Variants in SCN8A observed in about 807,000 individuals in gnomAD.
SCN8A encodes sodium channel protein type 8 subunit alpha.
Under a neutral mutation model 184.1 loss-of-function variants are expected in SCN8A, and 30 were observed. The observed-to-expected ratio is 0.16, with a 90% confidence interval of 0.12 to 0.22. The LOEUF (loss-of-function observed/expected upper bound fraction) is 0.22. SCN8A is among the 10% of genes least tolerant of loss of function. SCN8A has a pLI of 1.00. For synonymous variants in SCN8A, 852 were observed against 907.0 expected (o/e 0.94, Z 1.09); for missense variants, 1,057 against 2,498.9 (o/e 0.42, Z 12.30).
Position 51,807,154 on chromosome 12 carries a change from C to G in SCN8A, c.5668C>G (p.Leu1890Val). The part of the protein sequence containing the change: ...KVSYEPITTT[L>V]RRKQEEVSAV... ...GTCTTACGAGCCAATCACAACCACA[C>G]TGCGTCGCAAGCAGGAGGAGGTATC... Residue 1890 changes from leucine (L) to valine (V), a missense_variant, in exon 27 of 27, where the codon CTG becomes GTG. This residue lies in a region of SCN8A where 95 missense variants were observed against 140.2 expected (regional missense o/e 0.68). Coordinates refer to ENST00000627620, the MANE Select transcript of SCN8A (RefSeq NM_001330260.2). This position sits in a 1 kb window ranked among gnomAD's most constrained non-coding sequence, Gnocchi z 4.5. The G allele has an allele frequency of 6.2e-7, 1 of 1,613,978 alleles. No individual in the cohort carries two copies. The highest frequency in any genetic ancestry group is 8.5e-7 in the Non-Finnish European group (1 of 1,179,892).
chr12:51,628,466 A>T (rs937088015), intron 1 of SCN8A, among the ~76,000 whole-genome samples: 1 of 152,176 alleles, frequency 6.6e-6, no homozygotes, highest in Non-Finnish European at 1.5e-5. Flanking sequence ...AGCCTGGTTA[A>T]GCAGATAGGG....
chr12:51,657,954 C>CTA (rs1372748917), intron 1 of SCN8A, among the ~76,000 whole-genome samples: 1 of 152,034 alleles, frequency 6.6e-6, no homozygotes, highest in Non-Finnish European at 1.5e-5. Context: ...TCTGTGTTTT[C>CTA]TATTCTTTTC....
Position 51,720,185 on chromosome 12 carries a change from C to T in SCN8A, c.1636-1361C>T, listed in dbSNP as rs376308258. Among the ~76,000 whole-genome samples the T allele has an allele frequency of 9.4e-5, 14 of 148,476 alleles. No individual in the cohort carries two copies. In the South Asian group the frequency reaches 1.5e-3, roughly 16 times the overall value. ...TCAATGCCGGATATTATATAACTTACAGCTGTTTGAGAATTATATACTTTA... is the reference window on the plus strand; with the variant it reads ...TCAATGCCGGATATTATATAACTTATAGCTGTTTGAGAATTATATACTTTA... On this transcript the variant is annotated intron_variant, in intron 11 of 26. Transcript: ENST00000627620.
At chr12:51,788,143 G>C (rs1938138693) in intron 22 of SCN8A, among the ~76,000 whole-genome samples, 2 of 152,192 alleles carry the variant, frequency 1.3e-5, no homozygotes, top group Non-Finnish European at 2.9e-5. Flanking sequence ...GACTGAAGGA[G>C]TAGAATTGGG....
At chr12:51,648,717 C>T (rs1940645061) in intron 1 of SCN8A, among the ~76,000 whole-genome samples, 2 of 152,146 alleles carry the variant, frequency 1.3e-5, no homozygotes. Context: ...AATTATCTCC[C>T]ACCAGGTCCC....
rs143107682 is a variant in SCN8A, at chr12:51,756,087, C to T, written c.2370+4494C>T. Among the ~76,000 whole-genome samples the T allele has an allele frequency of 3.4e-3, 517 of 152,180 alleles. 1 individual carries two copies. Among genetic ancestry groups the T allele is most frequent in the African/African-American group, 0.012 (486 of 41,522 alleles). On this transcript the variant is annotated intron_variant, in intron 14 of 26. Coordinates refer to ENST00000627620, the MANE Select transcript of SCN8A (RefSeq NM_001330260.2). Reference sequence around the variant, plus strand: ...ACCCCGATGCCTCACAGTAGGCCTTCGCCTGCATGGACATCCTTCTCACCC... The same window carrying T: ...ACCCCGATGCCTCACAGTAGGCCTTTGCCTGCATGGACATCCTTCTCACCC...
chr12:51,761,471 A>T (rs1181209158), intron 14 of SCN8A, among the ~76,000 whole-genome samples: 1 of 148,886 alleles, frequency 6.7e-6, no homozygotes, highest in African/African-American at 2.5e-5. Flanking sequence ...ATTTATTATT[A>T]TTTATTTATT....
chr12:51,617,331 A>G (rs1939862603), intron 1 of SCN8A, among the ~76,000 whole-genome samples: 1 of 151,242 alleles, frequency 6.6e-6, no homozygotes, highest in East Asian at 1.9e-4. Flanking sequence ...TTCAGCTTGG[A>G]TAATTTGTGT....
intron 6 of SCN8A, among the ~76,000 whole-genome samples, chr12:51,691,425 T>C (rs1941505486): frequency 1.3e-5 from 2 of 151,674 alleles, no homozygotes; most frequent in African/African-American, 4.9e-5. Context: ...ATATGTCATG[T>C]TATTTATCCT....
chr12:51,699,842 C>T, intron 7 of SCN8A, 51 bp downstream of exon 7: 1 of 1,492,820 alleles, frequency 6.7e-7, no homozygotes, highest in South Asian at 1.2e-5. Flanking sequence ...ATTCCTAGTT[C>T]ACATGGTCAG....
intron 17 of SCN8A, 86 bp downstream of exon 17, chr12:51,769,421 C>G: frequency 1.1e-6 from 1 of 914,116 alleles, no homozygotes; most frequent in Non-Finnish European, 1.7e-6. Flanking sequence ...CAGCTATGGG[C>G]TTGGTAGAGA....
intron 1 of SCN8A, among the ~76,000 whole-genome samples, chr12:51,619,881 AT>A (rs1165100974): frequency 6.6e-6 from 1 of 152,192 alleles, no homozygotes; most frequent in Non-Finnish European, 1.5e-5. Context: ...TTCTAAGAAC[AT>A]TTTGTCTATC....
At chr12:51,751,659 C>G (rs1942597384) in intron 14 of SCN8A, 66 bp downstream of exon 14, 1 of 1,213,732 alleles carries the variant, frequency 8.2e-7, no homozygotes, top group Non-Finnish European at 1.2e-6. Context: ...ATATCTTTTT[C>G]TGGTACTGAA....
chr12:51,771,748 C>T (rs954195877), intron 19 of SCN8A, among the ~76,000 whole-genome samples: 4 of 152,218 alleles, frequency 2.6e-5, no homozygotes, highest in African/African-American at 7.2e-5. Context: ...GTTGCATCAA[C>T]GAGCATTCAC....
chr12:51,628,583 T>G (rs1294628396), intron 1 of SCN8A, among the ~76,000 whole-genome samples: 2 of 151,698 alleles, frequency 1.3e-5, no homozygotes, highest in African/African-American at 4.8e-5. Flanking sequence ...CTGGGAGTGG[T>G]GGGGGGAAAG....
intron 12 of SCN8A, 159 bp downstream of exon 12, chr12:51,722,067 C>A: frequency 8.8e-7 from 1 of 1,131,280 alleles, no homozygotes; most frequent in Non-Finnish European, 1.3e-6. Flanking sequence ...ACACCCCAGC[C>A]ATTTCTGTGT....
At chr12:51,701,249 T>C (rs1476287279) in intron 8 of SCN8A, 42 bp downstream of exon 8, 1 of 1,356,240 alleles carries the variant, frequency 7.4e-7, no homozygotes, top group East Asian at 2.4e-5. Flanking sequence ...CTTAAAATAA[T>C]GTACCTGTTA....
chr12:51,692,832 C>T (rs1941534334), intron 6 of SCN8A, among the ~76,000 whole-genome samples: 1 of 152,198 alleles, frequency 6.6e-6, no homozygotes, highest in African/African-American at 2.4e-5. Context: ...TTCTTCTTAG[C>T]AGCATTTAAT....
intron 22 of SCN8A, 64 bp from the exon 23 acceptor site, chr12:51,788,631 C>T: frequency 7.5e-7 from 1 of 1,326,572 alleles, no homozygotes; most frequent in Non-Finnish European, 1.0e-6. Context: ...CCTTTGGGAC[C>T]CCTGCCTAGA....
Sources: allele counts gnomAD v4.1 joint callset (sites outside exome capture counted in the v4.1 genomes callset), GRCh38; gene constraint gnomAD v4.1.1; regional missense constraint gnomAD v4.1.1; non-coding constraint Gnocchi (gnomAD v3.1); transcripts MANE v1.5; gene names NCBI Gene and HGNC (gene_info 2026-07-23, HGNC 2026-07-21).